The following FRMD4B variants were observed in gnomAD, a reference collection of about 807,000 sequenced individuals.
FRMD4B encodes the protein FERM domain-containing protein 4B.
FRMD4B carries 74 observed loss-of-function variants against 141.5 expected under a neutral mutation model. That is an observed-to-expected ratio of 0.52 (90% CI 0.43 to 0.63). The LOEUF (loss-of-function observed/expected upper bound fraction) is 0.63, where lower values mean the gene tolerates loss of function less well. Ranked by LOEUF, FRMD4B falls within the 30% of genes least tolerant of loss-of-function variation. FRMD4B has a pLI of 0.00. For synonymous variants in FRMD4B, 506 were observed against 467.9 expected (o/e 1.08, Z -1.05); for missense variants, 1,366 against 1,253.4 (o/e 1.09, Z -1.36).
chr3:69,177,733 G>C (rs535809212), intron 21 of FRMD4B, among the ~76,000 whole-genome samples: 72 of 152,268 alleles, frequency 4.7e-4, no homozygotes, highest in African/African-American at 1.7e-3. Flanking sequence ...TATATTGCGA[G>C]AATCTTCCCA....
At chr3:69,420,250 G>T (rs1035454438) in intron 2 of FRMD4B, among the ~76,000 whole-genome samples, 1 of 140,668 alleles carries the variant, frequency 7.1e-6, no homozygotes, top group Non-Finnish European at 1.5e-5. Context: ...TGGCAGAATC[G>T]CTTTCTAGCA....
At chr3:69,507,180 C>T (rs559088138) in intron 1 of FRMD4B, among the ~76,000 whole-genome samples, 2 of 152,148 alleles carry the variant, frequency 1.3e-5, no homozygotes, top group African/African-American at 4.8e-5. Flanking sequence ...TCTTAATGGC[C>T]ATTCATTTTT....
rs532042283 is a variant in FRMD4B, at chr3:69,489,966, G to T, written c.-129+52240C>A. On this transcript the variant is annotated intron_variant, in intron 1 of 5. Coordinates refer to the FRMD4B transcript ENST00000459638. ...ACCTCAAACACATTATTATGAGCCA[G>T]TCAGAAAAACCACAATCTTATGATC... is the stretch of plus-strand genomic sequence containing the variant. Among the ~76,000 whole-genome samples the T allele has an allele frequency of 5.9e-5, 9 of 152,328 alleles. No individual in the cohort carries two copies. In the South Asian group the frequency reaches 1.9e-3, roughly 32 times the overall value.
chr3:69,213,452 T>C (rs1461809267), intron 11 of FRMD4B, among the ~76,000 whole-genome samples: 2 of 152,018 alleles, frequency 1.3e-5, no homozygotes, highest in East Asian at 3.9e-4. Flanking sequence ...ATTTCTAATA[T>C]TATTGATTAG....
intron 2 of FRMD4B, among the ~76,000 whole-genome samples, chr3:69,416,523 A>G (rs1282308042): frequency 5.3e-5 from 8 of 152,160 alleles, no homozygotes; most frequent in Admixed American, 3.9e-4. Context: ...CCTCAAATGC[A>G]AACCTGTTCT....
intron 1 of FRMD4B, among the ~76,000 whole-genome samples, chr3:69,457,943 C>T (rs1340751840): frequency 6.6e-6 from 1 of 152,178 alleles, no homozygotes; most frequent in African/African-American, 2.4e-5. Context: ...ATACCCCAGC[C>T]TCTGGGCTGC....
chr3:69,240,137 A>T (rs182072075), intron 7 of FRMD4B, among the ~76,000 whole-genome samples: 2 of 152,110 alleles, frequency 1.3e-5, no homozygotes, highest in Admixed American at 1.3e-4. Flanking sequence ...TGAGATGATA[A>T]ATTTTATGTA....
chr3:69,281,626 C>T (rs567487198), intron 5 of FRMD4B, among the ~76,000 whole-genome samples: 1 of 151,822 alleles, frequency 6.6e-6, no homozygotes, highest in Non-Finnish European at 1.5e-5. Flanking sequence ...GAGTTCGAGA[C>T]CAGCCTGACC....
At chr3:69,224,248 T>C (rs1244341783) in intron 8 of FRMD4B, among the ~76,000 whole-genome samples, 1 of 152,204 alleles carries the variant, frequency 6.6e-6, no homozygotes, top group Non-Finnish European at 1.5e-5. Flanking sequence ...AATCTGTATT[T>C]TATAACACTT....
rs191051954 is a variant in FRMD4B at position 69,269,840 on chromosome 3, G to C, written c.501+17912C>G. Reference sequence around the variant, plus strand: ...TCGCCATGTTGGCCAGCCTGGTCTTGAACTCCTGACCTAAAGCGATCTGCC... The same window carrying C: ...TCGCCATGTTGGCCAGCCTGGTCTTCAACTCCTGACCTAAAGCGATCTGCC... On this transcript the variant is annotated intron_variant, in intron 5 of 22. Coordinates refer to ENST00000398540, the MANE Select transcript of FRMD4B (RefSeq NM_015123.3). Among the ~76,000 whole-genome samples the C allele has an allele frequency of 1.4e-4, 22 of 152,138 alleles. 1 individual carries two copies. The East Asian group carries it at 3.9e-3, about 27-fold the overall frequency.
intron 2 of FRMD4B, among the ~76,000 whole-genome samples, chr3:69,394,719 T>C (rs1402002623): frequency 1.3e-5 from 2 of 152,216 alleles, no homozygotes; most frequent in Non-Finnish European, 2.9e-5. Flanking sequence ...CATGCACACA[T>C]ATGTTTATTG....
intron 1 of FRMD4B, among the ~76,000 whole-genome samples, chr3:69,540,660 TACACACACACACAC>T (rs1161119924): frequency 7.0e-5 from 4 of 56,874 alleles, no homozygotes; most frequent in African/African-American, 4.1e-4. Flanking sequence ...TATATATATA[TACACACACACACAC>T]ACACACACAC....
intron 1 of FRMD4B, among the ~76,000 whole-genome samples, chr3:69,461,301 A>G (rs2106919911): frequency 6.6e-6 from 1 of 152,290 alleles, no homozygotes; most frequent in East Asian, 1.9e-4. Flanking sequence ...TCAGGCCTGC[A>G]ATCCCAGCAC....
At position 69,427,643 on chromosome 3, in the gene FRMD4B, G is replaced by GTTTTTTTT. The variant is rs774316609; in HGVS notation, c.-1+4983_-1+4990dup. Among the ~76,000 whole-genome samples the GTTTTTTTT allele has an allele frequency of 4.7e-3, 169 of 36,240 alleles. 39 individuals are homozygous for GTTTTTTTT. Among genetic ancestry groups the GTTTTTTTT allele is most frequent in the East Asian group, 0.025 (20 of 796 alleles). The allele number at this position is 36,240 out of a possible 152,430, so 23.8% of individuals were successfully genotyped here. ...GTGTTTAGTAAGAAGCTAGGTAAAT[G>GTTTTTTTT]TTTTTTTTTTTTTTTTTTTTTTTTT... On this transcript the variant is annotated intron_variant, in intron 2 of 5. Coordinates refer to the FRMD4B transcript ENST00000459638.
Position 69,256,936 on chromosome 3 carries a change from A to G in FRMD4B, c.502-6837T>C, listed in dbSNP as rs373276802. On this transcript the variant is annotated intron_variant, in intron 5 of 22. Transcript: ENST00000398540. ...CATTCTTCTAGATCAGGGTTTTATA[A>G]CCTCAGCACAACTGATATTTTGAGT... 1.1e-3 allele frequency among the ~76,000 whole-genome samples: 175 copies of G among 152,276 alleles called. 3 individuals are homozygous for G. In the South Asian group the frequency reaches 0.015, roughly 13 times the overall value.
intron 1 of FRMD4B, among the ~76,000 whole-genome samples, chr3:69,509,983 G>A (rs766349301): frequency 2.7e-5 from 4 of 150,866 alleles, no homozygotes; most frequent in Non-Finnish European, 4.4e-5. Flanking sequence ...ACATGCACTG[G>A]GAAATCAAAA....
intron 2 of FRMD4B, among the ~76,000 whole-genome samples, chr3:69,426,138 A>G (rs1208904408): frequency 1.3e-5 from 2 of 152,234 alleles, no homozygotes; most frequent in Non-Finnish European, 2.9e-5. Context: ...TAGGAATCCA[A>G]AGTTAAACAA....
At chr3:69,404,958 C>G (rs1272599038) in intron 2 of FRMD4B, among the ~76,000 whole-genome samples, 1 of 152,204 alleles carries the variant, frequency 6.6e-6, no homozygotes, top group Non-Finnish European at 1.5e-5. Context: ...AGATTAAAAA[C>G]TTGGTCCAAT....
At chr3:69,456,076 C>T (rs1359057938) in intron 1 of FRMD4B, among the ~76,000 whole-genome samples, 3 of 152,302 alleles carry the variant, frequency 2.0e-5, no homozygotes, top group East Asian at 3.9e-4. Context: ...CCGAGTATCT[C>T]TAAAGAACTT....
Sources: allele counts gnomAD v4.1 joint callset (sites outside exome capture counted in the v4.1 genomes callset), GRCh38; gene constraint gnomAD v4.1.1; transcripts MANE v1.5; gene names NCBI Gene and HGNC (gene_info 2026-07-23, HGNC 2026-07-21).